The following CEP152 variants were observed in gnomAD, a reference collection of about 807,000 sequenced individuals.
CEP152 encodes centrosomal protein of 152 kDa.
CEP152 carries 132 observed loss-of-function variants against 188.9 expected under a neutral mutation model. The ratio of observed to expected loss-of-function variants is 0.70; its 90% CI spans 0.61 to 0.81. CEP152 has a LOEUF of 0.81. CEP152 is among the 30% of genes least tolerant of loss of function. The pLI is 0.00. For missense variants in CEP152, 1,914 were observed against 1,969.8 expected (o/e 0.97, Z 0.54); for synonymous variants, 649 against 666.6 (o/e 0.97, Z 0.41).
At chr15:48,754,594 A>G (rs1178829089) in intron 20 of CEP152, among the ~76,000 whole-genome samples, 1 of 152,166 alleles carries the variant, frequency 6.6e-6, no homozygotes, top group East Asian at 1.9e-4. Context: ...TTTTACATTG[A>G]AGGCAACTAC....
intron 22 of CEP152, 59 bp downstream of exon 22, chr15:48,748,384 A>T: frequency 6.9e-7 from 1 of 1,455,620 alleles, no homozygotes; most frequent in South Asian, 1.5e-5. Context: ...TCACATTTGA[A>T]CATTTCAACA....
chr15:48,793,396 C>T lies in CEP152; in HGVS notation c.757G>A (p.Glu253Lys), dbSNP rs192488288. ...TCATTTAACTTTTCAATTAAGTTCT[C>T]CAGTTGTCTCTCTTTTGCTTTGTTA... is the stretch of plus-strand genomic sequence containing the variant. ...VLNKAKERQL[E>K]NLIEKLNESE... The change falls in exon 7 of 27, where the codon GAG becomes AAG. Residue 253 changes from glutamate to lysine, a missense_variant. Coordinates refer to ENST00000380950, the MANE Select transcript of CEP152 (RefSeq NM_001194998.2). 1 of 1,613,818 alleles carries T rather than the reference C, an allele frequency of 6.2e-7. No individual in the cohort carries two copies. Among genetic ancestry groups the T allele is most frequent in the Non-Finnish European group, 8.5e-7 (1 of 1,179,812 alleles).
At chr15:48,758,322 T>C (rs1894422436) in intron 19 of CEP152, among the ~76,000 whole-genome samples, 1 of 152,216 alleles carries the variant, frequency 6.6e-6, no homozygotes, top group Admixed American at 6.5e-5. Context: ...GGAGGAAGGA[T>C]GCACAACATG....
At position 48,787,165 on chromosome 15, in the gene CEP152, T is replaced by TTTTTTTTTG. The variant is rs1370134026; in HGVS notation, c.1173+1635_1173+1636insCAAAAAAAA. On this transcript the variant is annotated intron_variant, in intron 9 of 26. Coordinates refer to ENST00000380950, the MANE Select transcript of CEP152 (RefSeq NM_001194998.2). ...TTCAATAATTTGGTATAGCCTTCGT[T>TTTTTTTTTG]TTTTTTTTTTTTTTTTTCTGGAAAA... Among the ~76,000 whole-genome samples, 11 of 90,112 alleles carry TTTTTTTTTG rather than the reference T, an allele frequency of 1.2e-4. 1 individual carries two copies. The highest frequency in any genetic ancestry group is 3.5e-4 in the African/African-American group (7 of 19,884). 59.1% of individuals were successfully genotyped at this position (90,112 alleles called of 152,430 possible).
intron 12 of CEP152, among the ~76,000 whole-genome samples, chr15:48,775,961 T>C (rs182779185): frequency 5.3e-4 from 80 of 151,918 alleles, no homozygotes; most frequent in Non-Finnish European, 2.7e-4. Flanking sequence ...ACCTAACGTA[T>C]GAGTTTCCTT....
chr15:48,734,841 A>ATCTT (rs1175259482), downstream of CEP152, among the ~76,000 whole-genome samples: 2 of 152,230 alleles, frequency 1.3e-5, no homozygotes, highest in Non-Finnish European at 2.9e-5. Flanking sequence ...ATATAAAGGT[A>ATCTT]TATATACCTA....
downstream of CEP152, among the ~76,000 whole-genome samples, chr15:48,734,753 T>C (rs892576204): frequency 3.9e-5 from 6 of 152,068 alleles, no homozygotes; most frequent in Non-Finnish European, 1.5e-5. Context: ...AATGGACTTT[T>C]AAAACAAGAA....
chr15:48,743,795 G>A (rs540252009), intron 24 of CEP152, among the ~76,000 whole-genome samples: 73 of 152,124 alleles, frequency 4.8e-4, no homozygotes, highest in Middle Eastern at 3.4e-3. Flanking sequence ...TCCAGGAGGC[G>A]GAGGTTGCAG....
intron 6 of CEP152, 36 bp from the exon 7 acceptor site, chr15:48,793,497 AC>A: frequency 1.3e-6 from 2 of 1,574,536 alleles, no homozygotes; most frequent in East Asian, 2.2e-5. Flanking sequence ...ATAAAAACAT[AC>A]CAAAATATAA....
downstream of CEP152, among the ~76,000 whole-genome samples, chr15:48,733,386 T>A (rs1325565399): frequency 6.6e-6 from 1 of 152,162 alleles, no homozygotes; most frequent in African/African-American, 2.4e-5. Flanking sequence ...GAAAGTTCAA[T>A]AGCTGAAATG....
At chr15:48,777,466 T>TTGTGTG (rs35650877) in intron 12 of CEP152, among the ~76,000 whole-genome samples, 7,601 of 147,404 alleles carry the variant, frequency 0.052, 438 homozygotes, top group African/African-American at 0.14. Context: ...TCTTAGAATA[T>TTGTGTG]TGTGTGTGTG....
At chr15:48,748,211 A>G (rs1346349766) in intron 22 of CEP152, among the ~76,000 whole-genome samples, 1 of 152,104 alleles carries the variant, frequency 6.6e-6, no homozygotes, top group Non-Finnish European at 1.5e-5. Flanking sequence ...TGGGCCCTCA[A>G]TATCTGTTTA....
At chr15:48,793,604 AAG>A (rs1019268994) in intron 6 of CEP152, 143 bp from the exon 7 acceptor site, 47 of 745,944 alleles carry the variant, frequency 6.3e-5, no homozygotes, top group East Asian at 5.7e-4. Flanking sequence ...AGGATTAAAA[AAG>A]AGAGAGAGAA....
chr15:48,796,150 C>T lies in CEP152; in HGVS notation c.551G>A (p.Cys184Tyr), dbSNP rs1897276471. Residue 184 changes from cysteine to tyrosine, a missense_variant, in exon 6 of 27, where the codon TGT becomes TAT. Cys to Tyr is a radical substitution (Grantham distance 194). Transcript: ENST00000380950. ...PQWNHFQGPS[C>Y]QGLEPYNKVT... ...TTTATTATACGGTTCCAAACCTTGACAACTGGGACCCTGTGATAACAAATG... is the reference window on the plus strand; with the variant it reads ...TTTATTATACGGTTCCAAACCTTGATAACTGGGACCCTGTGATAACAAATG... The T allele has an allele frequency of 1.2e-6, 2 of 1,613,688 alleles. No individual in the cohort carries two copies. Among genetic ancestry groups the T allele is most frequent in the African/African-American group, 2.7e-5 (2 of 75,014 alleles).
intron 13 of CEP152, among the ~76,000 whole-genome samples, chr15:48,771,384 T>C (rs1454108355): frequency 6.6e-6 from 1 of 152,216 alleles, no homozygotes; most frequent in Non-Finnish European, 1.5e-5. Flanking sequence ...CCACGACCAC[T>C]ATATAATATC....
chr15:48,806,197 G>A (rs1283201257), intron 1 of CEP152, among the ~76,000 whole-genome samples: 1 of 152,046 alleles, frequency 6.6e-6, no homozygotes, highest in Non-Finnish European at 1.5e-5. Context: ...AGTCTTAAAT[G>A]TCCTCCTCTT....
chr15:48,789,661 A>T (rs1385357722), intron 8 of CEP152, among the ~76,000 whole-genome samples: 1 of 152,222 alleles, frequency 6.6e-6, no homozygotes. Context: ...AGGGTCCATA[A>T]ATGAGAAAAA....
At chr15:48,797,257 G>A (rs1042795134) in intron 5 of CEP152, 44 bp downstream of exon 5, 32 of 1,601,314 alleles carry the variant, frequency 2.0e-5, no homozygotes, top group African/African-American at 5.4e-5. Flanking sequence ...ACGCAAATGC[G>A]TGTGCACACA....
chr15:48,734,204 T>C (rs1892519321), downstream of CEP152, among the ~76,000 whole-genome samples: 1 of 149,582 alleles, frequency 6.7e-6, no homozygotes, highest in African/African-American at 2.5e-5. Flanking sequence ...TATACATATA[T>C]ACATATACAT....
Sources: allele counts gnomAD v4.1 joint callset (sites outside exome capture counted in the v4.1 genomes callset), GRCh38; gene constraint gnomAD v4.1.1; transcripts MANE v1.5; gene names NCBI Gene and HGNC (gene_info 2026-07-23, HGNC 2026-07-21).